MAP4K4: variants seen among roughly 807,000 people sequenced by gnomAD.
MAP4K4 encodes the protein HPK/GCK-like kinase HGK.
MAP4K4 carries 38 observed loss-of-function variants against 189.6 expected under a neutral mutation model. The ratio of observed to expected loss-of-function variants is 0.20; its 90% CI spans 0.15 to 0.26. MAP4K4 has a LOEUF of 0.26. MAP4K4 is among the 10% of genes least tolerant of loss of function. The pLI, the probability that MAP4K4 is intolerant of heterozygous loss-of-function variation, is 1.00. For missense variants in MAP4K4, 1,054 were observed against 1,726.9 expected (o/e 0.61, Z 6.91); for synonymous variants, 610 against 624.3 (o/e 0.98, Z 0.34).
At chr2:101,713,248 A>G (rs892075305) in intron 2 of MAP4K4, among the ~76,000 whole-genome samples, 2 of 152,126 alleles carry the variant, frequency 1.3e-5, no homozygotes, top group South Asian at 2.1e-4. Flanking sequence ...ATTTAAGTAA[A>G]AAGGTACTTT....
intron 2 of MAP4K4, among the ~76,000 whole-genome samples, chr2:101,714,536 T>C (rs1301553714): frequency 6.6e-6 from 1 of 152,204 alleles, no homozygotes; most frequent in South Asian, 2.1e-4. Context: ...ATAATTTTAC[T>C]TTCTCCAAAT....
chr2:101,784,274 G>T (rs1392592940), intron 2 of MAP4K4, among the ~76,000 whole-genome samples: 2 of 145,440 alleles, frequency 1.4e-5, no homozygotes, highest in African/African-American at 5.6e-5. Context: ...GTGTGTGTGT[G>T]TGTGTGTGTG....
At chr2:101,775,113 A>C (rs3815487) in intron 2 of MAP4K4, among the ~76,000 whole-genome samples, 1 of 148,820 alleles carries the variant, frequency 6.7e-6, no homozygotes, top group Non-Finnish European at 1.5e-5. Context: ...TTTCAGGACA[A>C]CCCCGGATCA....
intron 24 of MAP4K4, among the ~76,000 whole-genome samples, chr2:101,873,429 A>C (rs1371534500): frequency 6.7e-6 from 1 of 148,760 alleles, no homozygotes; most frequent in African/African-American, 2.6e-5. Context: ...TGTCTCTGGT[A>C]GAGATACGGC....
chr2:101,885,998 A>AG (rs1264401322), intron 29 of MAP4K4, among the ~76,000 whole-genome samples: 2 of 152,174 alleles, frequency 1.3e-5, no homozygotes, highest in African/African-American at 2.4e-5. Context: ...ATTTTATTGA[A>AG]GGGGTAGGTT....
At chr2:101,810,969 G>A (rs979834857) in intron 3 of MAP4K4, among the ~76,000 whole-genome samples, 10 of 152,190 alleles carry the variant, frequency 6.6e-5, no homozygotes, top group African/African-American at 2.4e-4. Flanking sequence ...GATAGATTCT[G>A]ATGTGAGGCT....
At chr2:101,720,700 A>G (rs2051374364) in intron 2 of MAP4K4, among the ~76,000 whole-genome samples, 1 of 152,202 alleles carries the variant, frequency 6.6e-6, no homozygotes, top group Non-Finnish European at 1.5e-5. Flanking sequence ...TGATCTTTTT[A>G]TCATTTTTCT....
chr2:101,803,245 A>ATGTTTG (rs1553484244), intron 3 of MAP4K4, among the ~76,000 whole-genome samples: 1 of 150,244 alleles, frequency 6.7e-6, no homozygotes, highest in Non-Finnish European at 1.5e-5. Context: ...GATGATGATG[A>ATGTTTG]TGTGTGTGTG....
At position 101,775,423 on chromosome 2, in the gene MAP4K4, T is replaced by C. The variant is rs549021907; in HGVS notation, c.124-15297T>C. 2.0e-5 allele frequency among the ~76,000 whole-genome samples: 3 copies of C among 152,072 alleles called. No individual in the cohort carries two copies. In the South Asian group the frequency reaches 6.2e-4, roughly 32 times the overall value. ...CTGTGGTGGACTTGCCAGGAACCCT[T>C]CTTAAAGGAGAGATCATCTGAGAGG... is the stretch of plus-strand genomic sequence containing the variant. On this transcript the variant is annotated intron_variant, in intron 2 of 32. Coordinates refer to ENST00000324219, the Ensembl canonical transcript of MAP4K4.
At chr2:101,821,759 C>T (rs960735515) in intron 3 of MAP4K4, among the ~76,000 whole-genome samples, 1 of 152,144 alleles carries the variant, frequency 6.6e-6, no homozygotes, top group African/African-American at 2.4e-5. Flanking sequence ...ATGCTTTCTT[C>T]AATAATTAAC....
chr2:101,835,085 G>T (rs530048800), intron 8 of MAP4K4, among the ~76,000 whole-genome samples: 4 of 152,304 alleles, frequency 2.6e-5, no homozygotes, highest in African/African-American at 4.8e-5. Context: ...ATAAATATTT[G>T]TTGAATGAAT....
intron 2 of MAP4K4, among the ~76,000 whole-genome samples, chr2:101,725,932 C>T (rs1196595827): frequency 6.6e-6 from 1 of 152,148 alleles, no homozygotes; most frequent in Non-Finnish European, 1.5e-5. Context: ...TTTTTTGTGG[C>T]CACTTCACGT....
At chr2:101,740,149 A>ATTTTTT (rs2061987528) in intron 2 of MAP4K4, among the ~76,000 whole-genome samples, 1 of 76,142 alleles carries the variant, frequency 1.3e-5, no homozygotes, top group Admixed American at 1.4e-4. Context: ...GCTTTATATC[A>ATTTTTT]TCTTTTTTTT....
At chr2:101,797,840 G>GT (rs1172505993) in intron 3 of MAP4K4, among the ~76,000 whole-genome samples, 8 of 103,114 alleles carry the variant, frequency 7.8e-5, no homozygotes, top group East Asian at 3.0e-4. Flanking sequence ...TCAACCTTCC[G>GT]TTTTTTTGAC....
chr2:101,869,972 T>C, intron 22 of MAP4K4, 175 bp downstream of exon 22: 1 of 790,710 alleles, frequency 1.3e-6, no homozygotes, highest in South Asian at 1.9e-5. Context: ...GGTGTGTGCA[T>C]ATGTCAGTGC....
exon 13 of MAP4K4, chr2:101,856,072 A>G (rs1469937120): frequency 6.4e-7 from 1 of 1,551,720 alleles, no homozygotes; most frequent in East Asian, 2.4e-5. Flanking sequence ...AGTTGGAGAG[A>G]AGGCGCAAAG....
chr2:101,765,642 T>C (rs2078321185), intron 2 of MAP4K4, among the ~76,000 whole-genome samples: 1 of 152,228 alleles, frequency 6.6e-6, no homozygotes, highest in Non-Finnish European at 1.5e-5. Context: ...TGAAGTATCT[T>C]GATCTCTGTA....
At chr2:101,810,754 G>A (rs557075798) in intron 3 of MAP4K4, among the ~76,000 whole-genome samples, 2 of 152,272 alleles carry the variant, frequency 1.3e-5, no homozygotes, top group South Asian at 4.1e-4. Context: ...AGAACTTTAA[G>A]TTTTAAATTC....
rs1176829838 is a variant in MAP4K4 at position 101,724,258 on chromosome 2, C to T, written c.123+25720C>T. The stretch of plus-strand genomic sequence containing the variant: ...TGGACACTGGAACAACCTAAGATGA[C>T]AGGCAAACAGGCAAAGCTGTGAGGT... On this transcript the variant is annotated intron_variant, in intron 2 of 32. Coordinates refer to ENST00000324219, the Ensembl canonical transcript of MAP4K4. 3.3e-5 allele frequency among the ~76,000 whole-genome samples: 5 copies of T among 152,260 alleles called. No homozygotes were observed. In the South Asian group the frequency reaches 6.2e-4, roughly 19 times the overall value.
Sources: gnomAD v4.1 joint callset for allele counts (sites outside exome capture counted in the v4.1 genomes callset) on GRCh38, gnomAD v4.1.1 for gene constraint, MANE v1.5 for transcripts, NCBI Gene and HGNC (gene_info 2026-07-23, HGNC 2026-07-21) for gene names.